Variants in RFX3 observed in about 807,000 individuals in gnomAD.
RFX3 encodes transcription factor RFX3.
In RFX3, 14 loss-of-function variants were observed where a neutral mutation model predicts 98.6. The observed-to-expected ratio is 0.14, with a 90% confidence interval of 0.09 to 0.22. RFX3 has a LOEUF of 0.22. RFX3 is among the 10% of genes least tolerant of loss of function. RFX3 has a pLI of 1.00. For missense variants in RFX3, 639 were observed against 926.9 expected (o/e 0.69, Z 4.03); for synonymous variants, 383 against 328.4 (o/e 1.17, Z -1.80).
intron 1 of RFX3, among the ~76,000 whole-genome samples, chr9:3,396,365 T>C (rs930695542): frequency 6.6e-6 from 1 of 152,194 alleles, no homozygotes. Context: ...ACAAAGGACA[T>C]TAACTCATCA....
At chr9:3,442,854 A>G (rs1845721379) in intron 1 of RFX3, among the ~76,000 whole-genome samples, 1 of 152,220 alleles carries the variant, frequency 6.6e-6, no homozygotes, top group South Asian at 2.1e-4. Flanking sequence ...TAATGCTAAT[A>G]GCACAATCCA....
At chr9:3,500,715 G>A (rs916824627) in intron 1 of RFX3, among the ~76,000 whole-genome samples, 3 of 151,922 alleles carry the variant, frequency 2.0e-5, no homozygotes, top group African/African-American at 4.8e-5. Flanking sequence ...TCAAACACAC[G>A]CACTACACAT....
chr9:3,339,933 C>A (rs1189883481), intron 3 of RFX3, among the ~76,000 whole-genome samples: 1 of 151,906 alleles, frequency 6.6e-6, no homozygotes, highest in African/African-American at 2.4e-5. Context: ...AAAAAAGAGC[C>A]CACATTGGCA....
In RFX3 at chr9:3,224,135, G is replaced by A. The variant is rs1586630653; in HGVS notation, c.*907C>T. Reference sequence around the variant, plus strand: ...AGTCATCCAAATGGAATGGTTTCCTGTATGTCCAGCTCAGCATAAGTAGCA... The same window carrying A: ...AGTCATCCAAATGGAATGGTTTCCTATATGTCCAGCTCAGCATAAGTAGCA... On this transcript the variant is annotated 3_prime_UTR_variant, in exon 17 of 17. Coordinates refer to ENST00000617270, the MANE Select transcript of RFX3 (RefSeq NM_001282116.2). 1 of 151,926 alleles carries A rather than the reference G, an allele frequency of 6.6e-6. No individual in the cohort carries two copies. The highest frequency in any genetic ancestry group is 2.1e-4 in the South Asian group (1 of 4,826). The allele number at this position is 151,926 out of a possible 1,614,324, so 9.4% of individuals were successfully genotyped here.
chr9:3,350,125 T>C (rs920825835), intron 2 of RFX3, among the ~76,000 whole-genome samples: 1 of 152,054 alleles, frequency 6.6e-6, no homozygotes, highest in Non-Finnish European at 1.5e-5. Context: ...ACAAGCTGGA[T>C]TTCATTAAAT....
intron 4 of RFX3, among the ~76,000 whole-genome samples, chr9:3,313,587 G>T (rs1374687183): frequency 6.6e-6 from 1 of 152,150 alleles, no homozygotes; most frequent in Non-Finnish European, 1.5e-5. Context: ...GCTAAAGGAG[G>T]ATGTTCGAAC....
chr9:3,225,299 C>A lies in RFX3; in HGVS notation c.2012-19G>T, dbSNP rs754196626. 2 of 1,610,680 alleles carry A rather than the reference C, an allele frequency of 1.2e-6. No individual in the cohort carries two copies. The highest frequency in any genetic ancestry group is 1.7e-5 in the Admixed American group (1 of 59,730). On this transcript the variant is annotated intron_variant, in intron 16 of 16. Coordinates refer to ENST00000617270, the MANE Select transcript of RFX3 (RefSeq NM_001282116.2). ...CCTTCATCTGCACAAACAAATAATA[C>A]CAAGACTATCATCGAAGACAAATTA...
At chr9:3,287,217 A>G (rs562019257) in intron 7 of RFX3, among the ~76,000 whole-genome samples, 16 of 152,014 alleles carry the variant, frequency 1.1e-4, no homozygotes, top group Admixed American at 1.1e-3. Context: ...GCTTCTGACT[A>G]AACTAGCATG....
intron 1 of RFX3, among the ~76,000 whole-genome samples, chr9:3,483,557 C>A (rs1467600265): frequency 6.6e-6 from 1 of 152,104 alleles, no homozygotes; most frequent in South Asian, 2.1e-4. Context: ...CCATAGTGGC[C>A]GGGCTCTGTT....
At chr9:3,393,651 A>C (rs1840550737) in intron 2 of RFX3, among the ~76,000 whole-genome samples, 2 of 151,704 alleles carry the variant, frequency 1.3e-5, no homozygotes, top group African/African-American at 4.9e-5. Context: ...TCAGAGTCTT[A>C]AAATTGGTGA....
In RFX3 at chr9:3,219,594, T is replaced by C. The variant is rs973804580; in HGVS notation, c.*5448A>G. Reference sequence around the variant, plus strand: ...GGAAAAAAAAATCCTAGGCAGTCACTTTGTAAGTGGCTTTTACTATTTAAG... The same window carrying C: ...GGAAAAAAAAATCCTAGGCAGTCACCTTGTAAGTGGCTTTTACTATTTAAG... On this transcript the variant is annotated 3_prime_UTR_variant, in exon 17 of 17. Transcript: ENST00000617270. 2.0e-5 allele frequency: 3 copies of C among 152,138 alleles called. No individual in the cohort carries two copies. The highest frequency in any genetic ancestry group is 4.4e-5 in the Non-Finnish European group (3 of 68,020). The allele number at this position is 152,138 out of a possible 1,614,324, so 9.4% of individuals were successfully genotyped here. A position where few individuals can be genotyped will look rare whatever the true frequency, so the allele number is the denominator to read the frequency against.
At chr9:3,345,035 A>T (rs1264965446) in intron 3 of RFX3, among the ~76,000 whole-genome samples, 1 of 152,194 alleles carries the variant, frequency 6.6e-6, no homozygotes, top group Non-Finnish European at 1.5e-5. Context: ...GTTCGCATTC[A>T]GGGAGAGTTC....
chr9:3,481,645 G>A (rs182559887), intron 1 of RFX3, among the ~76,000 whole-genome samples: 1 of 151,702 alleles, frequency 6.6e-6, no homozygotes, highest in Admixed American at 6.6e-5. Flanking sequence ...TAAAAAAAAG[G>A]TGCATTATGG....
intron 1 of RFX3, chr9:3,469,074 T>A: frequency 5.4e-6 from 2 of 367,646 alleles, no homozygotes; most frequent in Non-Finnish European, 1.1e-5. Context: ...TAAAAAAACA[T>A]TCAAGTGAAA....
chr9:3,358,567 C>T (rs1035861004), intron 2 of RFX3, among the ~76,000 whole-genome samples: 1 of 152,098 alleles, frequency 6.6e-6, no homozygotes, highest in Non-Finnish European at 1.5e-5. Context: ...CTTTACACTA[C>T]CTACCAAGTT....
chr9:3,502,002 A>G (rs1264467897), intron 1 of RFX3, among the ~76,000 whole-genome samples: 1 of 151,952 alleles, frequency 6.6e-6, no homozygotes, highest in Non-Finnish European at 1.5e-5. Context: ...CTGTAATCCC[A>G]GCACTCTGGG....
chr9:3,518,536 T>C (rs1483531809), intron 1 of RFX3, among the ~76,000 whole-genome samples: 1 of 152,148 alleles, frequency 6.6e-6, no homozygotes, highest in Non-Finnish European at 1.5e-5. Flanking sequence ...ATCAGGTAAA[T>C]TCTCAACTGA....
At chr9:3,522,125 A>G (rs1818780219) in intron 1 of RFX3, among the ~76,000 whole-genome samples, 1 of 152,188 alleles carries the variant, frequency 6.6e-6, no homozygotes, top group South Asian at 2.1e-4. Context: ...TGCTTTAGAC[A>G]GCCCTTTTGT....
chr9:3,443,825 A>C (rs1231111809), intron 1 of RFX3, among the ~76,000 whole-genome samples: 1 of 152,152 alleles, frequency 6.6e-6, no homozygotes, highest in Non-Finnish European at 1.5e-5. Context: ...CCCACCAACG[A>C]TGTAAAAGTA....
Sources: gnomAD v4.1 joint callset for allele counts (sites outside exome capture counted in the v4.1 genomes callset) on GRCh38, gnomAD v4.1.1 for gene constraint, MANE v1.5 for transcripts, NCBI Gene and HGNC (gene_info 2026-07-23, HGNC 2026-07-21) for gene names.